The following POLR3A variants were observed in gnomAD, a reference collection of about 807,000 sequenced individuals.
POLR3A encodes the protein DNA-directed RNA polymerase III subunit RPC1.
In POLR3A, 112 loss-of-function variants were observed where a neutral mutation model predicts 152.8. That is an observed-to-expected ratio of 0.73 (90% CI 0.63 to 0.86). The LOEUF (loss-of-function observed/expected upper bound fraction) is 0.86. Among genes scored for constraint, POLR3A ranks in the 40% least tolerant of loss-of-function variants. The pLI is 0.00. For synonymous variants in POLR3A, 615 were observed against 652.1 expected, an observed-to-expected ratio of 0.94 and a Z score of 0.87; for missense variants, 1,385 against 1,743.1, an observed-to-expected ratio of 0.79 and a Z score of 3.66.
chr10:78,006,699 C>G (rs1426690337), intron 15 of POLR3A, among the ~76,000 whole-genome samples: 1 of 151,998 alleles, frequency 6.6e-6, no homozygotes, highest in African/African-American at 2.4e-5. Context: ...GGACACACAG[C>G]TGCAGATTAA....
intron 20 of POLR3A, 143 bp from the exon 21 acceptor site, chr10:77,991,310 T>C: frequency 1.5e-6 from 1 of 685,672 alleles, no homozygotes; most frequent in East Asian, 2.7e-5. Flanking sequence ...AAACAAATTG[T>C]GGACTCTACC....
chr10:77,984,218 G>GA lies in POLR3A; in HGVS notation c.3322_3323insT (p.Thr1108IlefsTer11). The stretch of plus-strand genomic sequence containing the variant: ...ATTTCTTCTTACCTCTCCCAAGAGG[G>GA]TTTTCTCAATTCTCCCTTTCACGAG... On this transcript the variant is annotated frameshift_variant, in exon 25 of 31. Transcript: ENST00000372371. LOFTEE classifies it high-confidence loss of function. 6.2e-7 allele frequency: 1 copy of GA among 1,604,438 alleles called. No individual in the cohort carries two copies. Among genetic ancestry groups the GA allele is most frequent in the Non-Finnish European group, 8.5e-7 (1 of 1,171,434 alleles).
At chr10:78,009,039 G>A (rs1430614818) in intron 14 of POLR3A, among the ~76,000 whole-genome samples, 1 of 150,382 alleles carries the variant, frequency 6.6e-6, no homozygotes, top group African/African-American at 2.5e-5. Flanking sequence ...TGTAATCCAA[G>A]CTACTCAGGA....
rs770469613 is a variant in POLR3A at position 78,025,637 on chromosome 10, G to T, written c.303C>A (p.Val101=). Residue 101 remains valine, a synonymous_variant, in exon 3 of 31, where the codon GTC becomes GTA. Coordinates refer to ENST00000372371, the MANE Select transcript of POLR3A (RefSeq NM_007055.4). The part of the protein sequence containing the change: ...PCFHVGYFRA[V]IGILQMICKT... Reference sequence around the variant, plus strand: ...GTGTGCTTACCTGTAAGATGCCTATGACTGCTCTGAAGTACCCTACATGAA... The same window carrying T: ...GTGTGCTTACCTGTAAGATGCCTATTACTGCTCTGAAGTACCCTACATGAA... 3.1e-6 allele frequency: 5 copies of T among 1,614,072 alleles called. No homozygotes were observed. In the Admixed American group the frequency reaches 8.3e-5, roughly 27 times the overall value.
chr10:78,005,510 A>G (rs1002024460), intron 15 of POLR3A, among the ~76,000 whole-genome samples: 1 of 152,220 alleles, frequency 6.6e-6, no homozygotes, highest in Non-Finnish European at 1.5e-5. Context: ...TCCTAGCCAC[A>G]ATATACTGTA....
intron 13 of POLR3A, 40 bp downstream of exon 13, chr10:78,009,824 T>C (rs370384202): frequency 6.2e-7 from 1 of 1,611,830 alleles, no homozygotes; most frequent in Non-Finnish European, 8.5e-7. Flanking sequence ...CACAGACACA[T>C]ACACACACCT....
In POLR3A at chr10:78,007,732, G is replaced by A. The variant is rs1319518839; in HGVS notation, c.2044C>T (p.Arg682Trp). The change falls in exon 15 of 31, where the codon CGG becomes TGG. Residue 682 changes from arginine to tryptophan, a missense_variant. Arg to Trp is a moderately radical substitution (Grantham distance 101). Around this residue, in one of 7 missense-constraint regions of POLR3A, gnomAD observed 170 missense variants for 231.2 expected, o/e 0.74. Transcript: ENST00000372371. ...TAGACAGGAGCCAGCCTGGCGAGCC[G>A]TGACATGGCATCTGCAGCTTCATTC... Reference protein sequence around the residue: ...GQNEAADAMSRLARLAPVYLS... With the variant: ...GQNEAADAMSWLARLAPVYLS... 6 of 1,613,888 alleles carry A rather than the reference G, an allele frequency of 3.7e-6. No homozygotes were observed. In the East Asian group the frequency reaches 6.7e-5, roughly 18 times the overall value.
intron 15 of POLR3A, among the ~76,000 whole-genome samples, chr10:78,007,461 G>T (rs746727816): frequency 6.6e-5 from 10 of 152,184 alleles, no homozygotes; most frequent in Non-Finnish European, 1.2e-4. Context: ...GAAGACCGTA[G>T]GGAGCTACTG....
At chr10:78,003,571 T>C (rs1353403584) in intron 16 of POLR3A, among the ~76,000 whole-genome samples, 3 of 152,142 alleles carry the variant, frequency 2.0e-5, no homozygotes, top group African/African-American at 7.2e-5. Context: ...ATGTGACTAT[T>C]AGACATGAAT....
At chr10:78,014,585 T>C (rs1293466486) in intron 10 of POLR3A, among the ~76,000 whole-genome samples, 1 of 152,074 alleles carries the variant, frequency 6.6e-6, no homozygotes, top group Non-Finnish European at 1.5e-5. Context: ...CCAGGCTAAT[T>C]TTTATATTTT....
At chr10:77,977,669 A>G in intron 30 of POLR3A, 43 bp from the exon 31 acceptor site, 2 of 1,561,894 alleles carry the variant, frequency 1.3e-6, no homozygotes, top group Non-Finnish European at 1.8e-6. Flanking sequence ...TCTAAACACA[A>G]GGTACATTTT....
intron 1 of POLR3A, among the ~76,000 whole-genome samples, chr10:78,026,761 T>C (rs185894304): frequency 5.3e-4 from 80 of 152,364 alleles, no homozygotes; most frequent in Non-Finnish European, 9.6e-4. Flanking sequence ...TACATGTTGA[T>C]GTCTATCAAA....
At chr10:77,989,889 C>T (rs1214983228) in intron 21 of POLR3A, among the ~76,000 whole-genome samples, 2 of 152,126 alleles carry the variant, frequency 1.3e-5, no homozygotes, top group African/African-American at 2.4e-5. Context: ...GAAAAACAGA[C>T]AAAGGCACCC....
chr10:78,006,078 T>C (rs971751244), intron 15 of POLR3A, among the ~76,000 whole-genome samples: 1 of 152,050 alleles, frequency 6.6e-6, no homozygotes, highest in African/African-American at 2.4e-5. Flanking sequence ...GAAGATACAT[T>C]CAGGGATCAA....
At chr10:78,022,434 T>C (rs762872430) in intron 5 of POLR3A, 50 bp from the exon 6 acceptor site, 8 of 1,601,778 alleles carry the variant, frequency 5.0e-6, no homozygotes, top group Admixed American at 1.7e-5. Flanking sequence ...TAGTTTTCCA[T>C]AGCTTGGGCA....
intron 14 of POLR3A, among the ~76,000 whole-genome samples, chr10:78,008,650 A>G (rs1847433594): frequency 6.6e-6 from 1 of 152,208 alleles, no homozygotes; most frequent in African/African-American, 2.4e-5. Context: ...CTGGCTAAAC[A>G]GCAGGGCTCT....
intron 21 of POLR3A, among the ~76,000 whole-genome samples, 200 bp from the exon 22 acceptor site, chr10:77,986,359 C>G (rs1173033977): frequency 6.6e-6 from 1 of 152,144 alleles, no homozygotes; most frequent in Non-Finnish European, 1.5e-5. Flanking sequence ...GTCCATACCC[C>G]AGACACACAC....
chr10:78,010,505 T>C lies in POLR3A; in HGVS notation c.1608A>G (p.Glu536=), dbSNP rs771072276. The change falls in exon 12 of 31, where the codon GAA becomes GAG. Residue 536 remains glutamate, a synonymous_variant. Coordinates refer to ENST00000372371, the MANE Select transcript of POLR3A (RefSeq NM_007055.4). ...KANLVTPRNG[E]PLIAAIQDFL... Reference sequence around the variant, plus strand: ...AATCCTGAATAGCAGCAATCAGCGGTTCCCCATTCCTCGGGGTTACAAGAT... The same window carrying C: ...AATCCTGAATAGCAGCAATCAGCGGCTCCCCATTCCTCGGGGTTACAAGAT... 6.2e-7 allele frequency: 1 copy of C among 1,614,006 alleles called. No homozygotes were observed. The highest frequency in any genetic ancestry group is 1.3e-5 in the African/African-American group (1 of 74,934).
intron 12 of POLR3A, 121 bp from the exon 13 acceptor site, chr10:78,010,112 G>T: frequency 1.6e-6 from 2 of 1,279,820 alleles, no homozygotes; most frequent in Non-Finnish European, 2.2e-6. Context: ...ACAAACAGCT[G>T]CTTACTGGCT....
Sources: gnomAD v4.1 joint callset for allele counts (sites outside exome capture counted in the v4.1 genomes callset) on GRCh38, gnomAD v4.1.1 for gene constraint, gnomAD v4.1.1 regional missense constraint, MANE v1.5 for transcripts, NCBI Gene and HGNC (gene_info 2026-07-23, HGNC 2026-07-21) for gene names.